EXOC6B: variants seen among roughly 807,000 people sequenced by gnomAD.
The protein encoded by EXOC6B is exocyst complex component 6B.
Under a neutral mutation model 113.5 loss-of-function variants are expected in EXOC6B, and 54 were observed. The observed-to-expected ratio is 0.48, with a 90% CI of 0.38 to 0.60. The LOEUF (loss-of-function observed/expected upper bound fraction) is 0.60, where lower values mean the gene tolerates loss of function less well. EXOC6B is among the 20% of genes least tolerant of loss of function. The pLI is 0.00. For synonymous variants in EXOC6B, 357 were observed against 339.0 expected, an observed-to-expected ratio of 1.05 and a Z score of -0.58; for missense variants, 797 against 977.5, an observed-to-expected ratio of 0.82 and a Z score of 2.46.
intron 20 of EXOC6B, among the ~76,000 whole-genome samples, chr2:72,283,161 G>A (rs1400546047): frequency 6.6e-6 from 1 of 152,004 alleles, no homozygotes; most frequent in African/African-American, 2.4e-5. Context: ...TAAGCCAAAA[G>A]GTTGAACAAT....
chr2:72,797,945 T>C (rs1685065465), intron 1 of EXOC6B, among the ~76,000 whole-genome samples: 1 of 152,154 alleles, frequency 6.6e-6, no homozygotes, highest in Non-Finnish European at 1.5e-5. Context: ...ACTTCCTATA[T>C]TTCTAATATT....
intron 1 of EXOC6B, among the ~76,000 whole-genome samples, chr2:72,793,744 A>G (rs1459837593): frequency 6.6e-6 from 1 of 152,188 alleles, no homozygotes; most frequent in African/African-American, 2.4e-5. Flanking sequence ...AAAAACGATT[A>G]AAGGGGAATA....
intron 20 of EXOC6B, among the ~76,000 whole-genome samples, chr2:72,272,369 A>G (rs541996072): frequency 1.1e-4 from 17 of 152,278 alleles, no homozygotes; most frequent in African/African-American, 4.1e-4. Flanking sequence ...CCTGAATTAA[A>G]TCCAATTATG....
At chr2:72,486,766 A>G (rs954989020) in intron 16 of EXOC6B, among the ~76,000 whole-genome samples, 5 of 152,112 alleles carry the variant, frequency 3.3e-5, no homozygotes, top group African/African-American at 1.2e-4. Context: ...AGGACATTGC[A>G]TCAGAGATTT....
At chr2:72,437,901 T>G (rs1233704356) in intron 18 of EXOC6B, among the ~76,000 whole-genome samples, 2 of 152,050 alleles carry the variant, frequency 1.3e-5, no homozygotes, top group Non-Finnish European at 2.9e-5. Flanking sequence ...GGTGAATTAT[T>G]CCTAAAGAAC....
intron 6 of EXOC6B, among the ~76,000 whole-genome samples, chr2:72,636,546 C>A (rs1279655081): frequency 1.3e-5 from 2 of 151,238 alleles, no homozygotes; most frequent in South Asian, 2.1e-4. Context: ...GCGGCAGCAG[C>A]CACAGTGCTA....
intron 6 of EXOC6B, among the ~76,000 whole-genome samples, chr2:72,683,219 G>A (rs1051385675): frequency 6.6e-6 from 1 of 152,156 alleles, no homozygotes; most frequent in Non-Finnish European, 1.5e-5. Flanking sequence ...GCAGAGCTAT[G>A]TGTTTTTCAT....
intron 11 of EXOC6B, among the ~76,000 whole-genome samples, chr2:72,503,691 C>G (rs747260155): frequency 4.3e-4 from 65 of 152,078 alleles, no homozygotes; most frequent in African/African-American, 1.5e-3. Context: ...AAGTTTTCAA[C>G]TCATTTGGAA....
At chr2:72,189,690 C>A (rs1572967971) in intron 20 of EXOC6B, among the ~76,000 whole-genome samples, 1 of 151,976 alleles carries the variant, frequency 6.6e-6, no homozygotes. Flanking sequence ...ATCTATCTAT[C>A]CATTTGTTAT....
intron 17 of EXOC6B, among the ~76,000 whole-genome samples, chr2:72,472,813 T>C (rs571460357): frequency 6.6e-6 from 1 of 152,334 alleles, no homozygotes; most frequent in South Asian, 2.1e-4. Flanking sequence ...ATGTAGGTGC[T>C]TATTGCTATG....
intron 18 of EXOC6B, among the ~76,000 whole-genome samples, chr2:72,382,549 T>C (rs187925236): frequency 5.5e-4 from 84 of 152,266 alleles, no homozygotes; most frequent in Non-Finnish European, 1.1e-3. Context: ...TTTTAAATAG[T>C]TTAGTTCTGT....
At chr2:72,224,914 GTA>G (rs1484761220) in intron 20 of EXOC6B, among the ~76,000 whole-genome samples, 2 of 149,162 alleles carry the variant, frequency 1.3e-5, no homozygotes, top group African/African-American at 4.9e-5. Flanking sequence ...ATATAGATGT[GTA>G]TATATGTGTA....
intron 18 of EXOC6B, among the ~76,000 whole-genome samples, chr2:72,401,650 T>C (rs1403500593): frequency 1.4e-5 from 1 of 70,984 alleles, no homozygotes; most frequent in Non-Finnish European, 2.3e-5. Context: ...TATATACATA[T>C]ATATATATAT....
intron 18 of EXOC6B, among the ~76,000 whole-genome samples, chr2:72,389,880 T>C (rs750634284): frequency 6.6e-5 from 10 of 152,170 alleles, no homozygotes; most frequent in Non-Finnish European, 1.2e-4. Flanking sequence ...TCACTATTTC[T>C]TCAAATACTT....
intron 1 of EXOC6B, among the ~76,000 whole-genome samples, chr2:72,786,474 T>C (rs1206210275): frequency 1.4e-4 from 21 of 152,236 alleles, no homozygotes; most frequent in Admixed American, 1.3e-3. Context: ...TATAATGCAA[T>C]GTCACTTGTA....
chr2:72,286,711 G>A (rs12987726), intron 20 of EXOC6B, among the ~76,000 whole-genome samples: 348 of 152,144 alleles, frequency 2.3e-3, no homozygotes, highest in Middle Eastern at 0.014. Flanking sequence ...GGGGGAATAC[G>A]AATAATGAGG....
chr2:72,678,795 A>T (rs1676488814), intron 6 of EXOC6B, among the ~76,000 whole-genome samples: 1 of 152,216 alleles, frequency 6.6e-6, no homozygotes, highest in Non-Finnish European at 1.5e-5. Flanking sequence ...ATACACTAAC[A>T]TGTATGCATG....
At chr2:72,464,570 T>C (rs529949255) in intron 18 of EXOC6B, 2 of 152,354 alleles carry the variant, frequency 1.3e-5, no homozygotes, top group Middle Eastern at 3.4e-3. Context: ...CTGGAATCTC[T>C]ACATATTTTA....
intron 16 of EXOC6B, 43 bp downstream of exon 16, chr2:72,492,275 G>T: frequency 8.2e-7 from 1 of 1,226,902 alleles, no homozygotes; most frequent in Non-Finnish European, 1.2e-6. Context: ...TAGGACATCT[G>T]TTCACATACT....
Sources: allele counts gnomAD v4.1 joint callset (sites outside exome capture counted in the v4.1 genomes callset), GRCh38; gene constraint gnomAD v4.1.1; transcripts MANE v1.5; gene names NCBI Gene and HGNC (gene_info 2026-07-23, HGNC 2026-07-21).